Variants in FOXP2 observed in about 807,000 individuals in gnomAD.
FOXP2 encodes forkhead box protein P2.
FOXP2 carries 12 observed loss-of-function variants against 115.8 expected under a neutral mutation model. The ratio of observed to expected loss-of-function variants is 0.10; its 90% CI spans 0.07 to 0.17. The LOEUF is 0.17. FOXP2 is among the 10% of genes least tolerant of loss of function. The pLI, the probability that FOXP2 is intolerant of heterozygous loss-of-function variation, is 1.00. For synonymous variants in FOXP2, 328 were observed against 297.7 expected, an observed-to-expected ratio of 1.10 and a Z score of -1.05; for missense variants, 629 against 843.5, an observed-to-expected ratio of 0.75 and a Z score of 3.15.
At chr7:114,519,636 G>A (rs956538910) in intron 2 of FOXP2, among the ~76,000 whole-genome samples, 1 of 152,118 alleles carries the variant, frequency 6.6e-6, no homozygotes, top group Non-Finnish European at 1.5e-5. Flanking sequence ...AATTACAAGA[G>A]AGTGCCAAAA....
At chr7:114,092,461 A>G (rs62468056) in intron 1 of FOXP2, among the ~76,000 whole-genome samples, 12,337 of 151,854 alleles carry the variant, frequency 0.081, 1,042 homozygotes, top group African/African-American at 0.22. Context: ...TTATTATTTT[A>G]GCTTTGTATC....
intron 1 of FOXP2, among the ~76,000 whole-genome samples, chr7:114,142,756 G>C (rs1163088953): frequency 6.6e-6 from 1 of 151,872 alleles, no homozygotes; most frequent in Non-Finnish European, 1.5e-5. Context: ...TAATATATAG[G>C]CTGAAGTATT....
chr7:114,166,293 A>C lies in FOXP2; in HGVS notation c.-102+3205A>C, dbSNP rs1190913893. On this transcript the variant is annotated intron_variant, in intron 1 of 17. Coordinates refer to the FOXP2 transcript ENST00000634411. Reference sequence around the variant, plus strand: ...AATTAAAAATTTCTATTTTGAGGAAAGCTTCTGTTAAGAGAATGAAAAGAT... The same window carrying C: ...AATTAAAAATTTCTATTTTGAGGAACGCTTCTGTTAAGAGAATGAAAAGAT... Among the ~76,000 whole-genome samples, 4 of 152,328 alleles carry C rather than the reference A, an allele frequency of 2.6e-5. No individual in the cohort carries two copies. In the East Asian group the frequency reaches 7.7e-4, roughly 29 times the overall value.
intron 1 of FOXP2, among the ~76,000 whole-genome samples, chr7:114,090,264 C>G (rs1353951200): frequency 6.6e-6 from 1 of 151,850 alleles, no homozygotes; most frequent in Non-Finnish European, 1.5e-5. Context: ...AATTGTAAGT[C>G]AGTTGAATTC....
intron 3 of FOXP2, among the ~76,000 whole-genome samples, chr7:114,625,707 C>A (rs1804530092): frequency 6.6e-6 from 1 of 151,688 alleles, no homozygotes; most frequent in Non-Finnish European, 1.5e-5. Context: ...TCTCAAATTG[C>A]AAGTGGACGG....
At chr7:114,594,455 C>T (rs1802595910) in intron 3 of FOXP2, among the ~76,000 whole-genome samples, 1 of 151,988 alleles carries the variant, frequency 6.6e-6, no homozygotes, top group Non-Finnish European at 1.5e-5. Context: ...AAATAGAGAG[C>T]CGACTGATTA....
intron 3 of FOXP2, among the ~76,000 whole-genome samples, chr7:114,607,056 A>C (rs1198948529): frequency 6.6e-6 from 1 of 152,146 alleles, no homozygotes; most frequent in Admixed American, 6.5e-5. Context: ...TGTTATGTGA[A>C]TATGTCAGAA....
chr7:114,263,130 T>C (rs1006218144), intron 1 of FOXP2, among the ~76,000 whole-genome samples: 5 of 152,198 alleles, frequency 3.3e-5, no homozygotes, highest in African/African-American at 2.4e-5. Flanking sequence ...TTGTCAATCC[T>C]TTTGTCCTTA....
At chr7:114,193,737 T>C (rs1022790995) in intron 1 of FOXP2, among the ~76,000 whole-genome samples, 3 of 152,124 alleles carry the variant, frequency 2.0e-5, no homozygotes, top group African/African-American at 7.2e-5. Context: ...AACCATTGTG[T>C]TTGATTATTT....
At chr7:114,304,286 C>G (rs1289303335) in intron 2 of FOXP2, among the ~76,000 whole-genome samples, 1 of 151,628 alleles carries the variant, frequency 6.6e-6, no homozygotes, top group Non-Finnish European at 1.5e-5. Context: ...TGAGGAGGCT[C>G]AATGCTAGAC....
intron 16 of FOXP2, among the ~76,000 whole-genome samples, chr7:114,686,298 GAGTA>G (rs1808363723): frequency 6.6e-6 from 1 of 151,684 alleles, no homozygotes; most frequent in South Asian, 2.1e-4. Context: ...TCGGCCTCCC[GAGTA>G]ACTGGGATTA....
chr7:114,333,972 A>C (rs369294715), intron 2 of FOXP2, among the ~76,000 whole-genome samples: 1 of 152,074 alleles, frequency 6.6e-6, no homozygotes, highest in African/African-American at 2.4e-5. Context: ...CATTAAATCA[A>C]TTTTGCATGA....
At chr7:114,408,894 C>G (rs1207213376) in intron 2 of FOXP2, among the ~76,000 whole-genome samples, 2 of 151,948 alleles carry the variant, frequency 1.3e-5, no homozygotes, top group Non-Finnish European at 2.9e-5. Flanking sequence ...AATAATTGAC[C>G]AGAGTACTTG....
chr7:114,219,422 C>T (rs1794562792), intron 1 of FOXP2, among the ~76,000 whole-genome samples: 1 of 152,008 alleles, frequency 6.6e-6, no homozygotes, highest in Admixed American at 6.6e-5. Flanking sequence ...TTTTAATATA[C>T]TTAGAGTGGT....
In FOXP2 at chr7:114,288,062, C is replaced by T. The variant is rs555151948; in HGVS notation, c.-58C>T. ...CTGGGATTGAATTTTCCTAGGACTC[C>T]GTTTCAAGGTTAATTCGAAAGTCTT... On this transcript the variant is annotated 5_prime_UTR_variant, in exon 2 of 18. Coordinates refer to the FOXP2 transcript ENST00000634411. 2.0e-5 allele frequency: 9 copies of T among 453,118 alleles called. No homozygotes were observed. In the East Asian group the frequency reaches 2.1e-4, roughly 10 times the overall value. The allele number at this position is 453,118 out of a possible 1,614,324, so 28.1% of individuals were successfully genotyped here.
At chr7:114,582,339 C>G (rs955496821) in intron 3 of FOXP2, among the ~76,000 whole-genome samples, 1 of 152,116 alleles carries the variant, frequency 6.6e-6, no homozygotes, top group Non-Finnish European at 1.5e-5. Flanking sequence ...ATCCTTCTCC[C>G]GCAGTGTCAC....
In FOXP2 at chr7:114,092,586, A is replaced by C. The variant is rs528582276; in HGVS notation, c.-247+4748A>C. 7.2e-5 allele frequency among the ~76,000 whole-genome samples: 11 copies of C among 152,262 alleles called. No individual in the cohort carries two copies. In the South Asian group the frequency reaches 2.3e-3, roughly 32 times the overall value. ...GTAGGAAAAAATCAGTGGTAGACAT[A>C]TTTTGGAGAAAGCACTTATAAAATT... On this transcript the variant is annotated intron_variant, in intron 1 of 19. Coordinates refer to the FOXP2 transcript ENST00000635638.
chr7:114,423,562 C>CT (rs1206261434), intron 1 of FOXP2, among the ~76,000 whole-genome samples: 1 of 151,496 alleles, frequency 6.6e-6, no homozygotes, highest in East Asian at 1.9e-4. Context: ...TCATCTTTCC[C>CT]TTTAATGATC....
intron 2 of FOXP2, among the ~76,000 whole-genome samples, chr7:114,512,760 A>T (rs1798136853): frequency 1.3e-5 from 2 of 152,160 alleles, no homozygotes; most frequent in South Asian, 4.1e-4. Flanking sequence ...GAAAGAAAAT[A>T]TTGGGATTCT....
Sources: allele counts gnomAD v4.1 joint callset (sites outside exome capture counted in the v4.1 genomes callset), GRCh38; gene constraint gnomAD v4.1.1; transcripts MANE v1.5; gene names NCBI Gene and HGNC (gene_info 2026-07-23, HGNC 2026-07-21).